SPAG16: variants seen among roughly 807,000 people sequenced by gnomAD.
The protein encoded by SPAG16 is sperm-associated antigen 16 protein.
In SPAG16, 86 loss-of-function variants were observed where a neutral mutation model predicts 80.4. The ratio of observed to expected loss-of-function variants is 1.07; its 90% confidence interval spans 0.90 to 1.28. The LOEUF is 1.28. SPAG16 is among the 50% of genes most tolerant of loss of function. SPAG16 has a pLI of 0.00. For synonymous variants in SPAG16, 294 were observed against 265.9 expected (o/e 1.11, Z -1.03); for missense variants, 870 against 765.3 (o/e 1.14, Z -1.61).
At chr2:213,601,988 T>C (rs1468450142) in intron 10 of SPAG16, among the ~76,000 whole-genome samples, 4 of 152,238 alleles carry the variant, frequency 2.6e-5, no homozygotes, top group Non-Finnish European at 5.9e-5. Context: ...GCACACAAGC[T>C]AGATTCCTCG....
intron 9 of SPAG16, among the ~76,000 whole-genome samples, chr2:213,380,885 C>T (rs1014117114): frequency 1.3e-5 from 2 of 152,128 alleles, no homozygotes; most frequent in South Asian, 2.1e-4. Context: ...GGCAGCCCTT[C>T]GGGTCACTCG....
intron 9 of SPAG16, among the ~76,000 whole-genome samples, chr2:213,413,712 A>G (rs1298809427): frequency 6.6e-6 from 1 of 152,188 alleles, no homozygotes; most frequent in Non-Finnish European, 1.5e-5. Context: ...AGCTAAAAAG[A>G]TGGCAGGGTA....
At chr2:214,258,360 C>T (rs1449863265) in intron 15 of SPAG16, among the ~76,000 whole-genome samples, 2 of 151,856 alleles carry the variant, frequency 1.3e-5, no homozygotes, top group African/African-American at 4.8e-5. Flanking sequence ...TCCTGAGTTA[C>T]TTCACTTAGA....
At chr2:213,468,676 A>G (rs1234087249) in intron 9 of SPAG16, among the ~76,000 whole-genome samples, 1 of 147,478 alleles carries the variant, frequency 6.8e-6, no homozygotes, top group Non-Finnish European at 1.5e-5. Flanking sequence ...GTGTGTATAT[A>G]TATGTGTGTG....
chr2:213,389,684 G>C (rs2067638626), intron 9 of SPAG16, among the ~76,000 whole-genome samples: 1 of 152,082 alleles, frequency 6.6e-6, no homozygotes, highest in South Asian at 2.1e-4. Flanking sequence ...CAAAACTGCA[G>C]TAGGGTATCA....
intron 12 of SPAG16, among the ~76,000 whole-genome samples, chr2:213,968,725 A>G (rs1314247914): frequency 6.6e-6 from 1 of 152,210 alleles, no homozygotes; most frequent in Non-Finnish European, 1.5e-5. Context: ...TGACATTGGA[A>G]TCATTTCTTG....
At chr2:213,727,929 A>C (rs1033155025) in intron 10 of SPAG16, among the ~76,000 whole-genome samples, 6 of 151,426 alleles carry the variant, frequency 4.0e-5, no homozygotes, top group Non-Finnish European at 8.9e-5. Flanking sequence ...GCTCACTGCA[A>C]CCTCCGTCTC....
At chr2:213,985,634 G>T (rs1347764654) in intron 12 of SPAG16, among the ~76,000 whole-genome samples, 1 of 152,038 alleles carries the variant, frequency 6.6e-6, no homozygotes, top group Non-Finnish European at 1.5e-5. Flanking sequence ...CAAGTGGACA[G>T]AATTTAGAAG....
chr2:213,564,064 T>C (rs1358175123), intron 10 of SPAG16, among the ~76,000 whole-genome samples: 2 of 152,242 alleles, frequency 1.3e-5, no homozygotes, highest in Non-Finnish European at 2.9e-5. Flanking sequence ...ATGTGATCTA[T>C]GACTTCCTCG....
intron 10 of SPAG16, among the ~76,000 whole-genome samples, chr2:213,791,526 A>G (rs185256020): frequency 6.6e-6 from 1 of 152,274 alleles, no homozygotes; most frequent in Non-Finnish European, 1.5e-5. Flanking sequence ...AAATAAGAGC[A>G]TTAAACCATG....
At chr2:214,250,626 A>C (rs1248075817) in intron 15 of SPAG16, among the ~76,000 whole-genome samples, 1 of 146,624 alleles carries the variant, frequency 6.8e-6, no homozygotes, top group Non-Finnish European at 1.5e-5. Context: ...CCTTTAGAAA[A>C]ATATATAAAT....
At chr2:213,756,605 G>A (rs990509055) in intron 10 of SPAG16, among the ~76,000 whole-genome samples, 2 of 152,324 alleles carry the variant, frequency 1.3e-5, no homozygotes, top group East Asian at 3.9e-4. Flanking sequence ...TATAGCCACT[G>A]CATTACAAAG....
chr2:213,368,452 A>G (rs1019755361), intron 8 of SPAG16, among the ~76,000 whole-genome samples: 2 of 152,218 alleles, frequency 1.3e-5, no homozygotes, highest in Non-Finnish European at 2.9e-5. Flanking sequence ...ACCCACAGCC[A>G]ATATCATACT....
chr2:214,195,167 G>A (rs771059433), intron 15 of SPAG16, among the ~76,000 whole-genome samples: 3 of 151,914 alleles, frequency 2.0e-5, no homozygotes, highest in Non-Finnish European at 4.4e-5. Context: ...ACACTTCCAG[G>A]CACAAGGAAT....
chr2:213,753,970 T>G (rs776409388), intron 10 of SPAG16, among the ~76,000 whole-genome samples: 2 of 152,184 alleles, frequency 1.3e-5, no homozygotes, highest in Admixed American at 1.3e-4. Flanking sequence ...AGCCGTGACA[T>G]AGGTTAGAAG....
intron 13 of SPAG16, among the ~76,000 whole-genome samples, chr2:214,070,832 C>T (rs2050753472): frequency 6.6e-6 from 1 of 151,932 alleles, no homozygotes; most frequent in African/African-American, 2.4e-5. Flanking sequence ...TATAGTATAA[C>T]TGAGAATGTT....
In SPAG16 at chr2:213,578,730, A is replaced by G. The variant is rs547829505; in HGVS notation, c.1070+88640A>G. ...AGAGTTTTCCTACATTAATATGGAG[A>G]CAGATGAAAAAGACAACTATTTTTT... On this transcript the variant is annotated intron_variant, in intron 10 of 15. Transcript: ENST00000331683. Among the ~76,000 whole-genome samples, 36 of 152,212 alleles carry G rather than the reference A, an allele frequency of 2.4e-4. No individual in the cohort carries two copies. In the South Asian group the frequency reaches 5.6e-3, roughly 24 times the overall value.
chr2:213,719,612 C>T (rs185072895), intron 10 of SPAG16, among the ~76,000 whole-genome samples: 10 of 152,312 alleles, frequency 6.6e-5, no homozygotes, highest in Middle Eastern at 3.4e-3. Context: ...CAACCAGCTC[C>T]GGTCACCCAC....
chr2:214,143,391 A>T (rs2055470518), intron 14 of SPAG16, among the ~76,000 whole-genome samples: 1 of 151,938 alleles, frequency 6.6e-6, no homozygotes, highest in African/African-American at 2.4e-5. Flanking sequence ...GACCATCTTG[A>T]CCAGGGTCCT....
Sources: gnomAD v4.1 joint callset for allele counts (sites outside exome capture counted in the v4.1 genomes callset) on GRCh38, gnomAD v4.1.1 for gene constraint, MANE v1.5 for transcripts, NCBI Gene and HGNC (gene_info 2026-07-23, HGNC 2026-07-21) for gene names.